Variants in RFX1 observed in about 807,000 individuals in gnomAD.
The protein encoded by RFX1 is regulatory factor X1.
Under a neutral mutation model 119.6 loss-of-function variants are expected in RFX1, and 42 were observed. The observed-to-expected ratio is 0.35, with a 90% CI of 0.27 to 0.45. The LOEUF is 0.45. Ranked by LOEUF, RFX1 falls within the 20% of genes least tolerant of loss-of-function variation. The pLI, the probability that RFX1 is intolerant of heterozygous loss-of-function variation, is 1.00. For missense variants in RFX1, 1,118 were observed against 1,368.1 expected, an observed-to-expected ratio of 0.82 and a Z score of 2.88; for synonymous variants, 628 against 618.5, an observed-to-expected ratio of 1.02 and a Z score of -0.23.
intron 12 of RFX1, among the ~76,000 whole-genome samples, chr19:13,967,696 C>T (rs1000617445): frequency 1.3e-5 from 2 of 151,606 alleles, no homozygotes; most frequent in African/African-American, 4.8e-5. Context: ...AGGCTGGTCT[C>T]GAACTCTTGA....
intron 2 of RFX1, among the ~76,000 whole-genome samples, chr19:13,984,560 G>A (rs1974537399): frequency 6.6e-6 from 1 of 152,098 alleles, no homozygotes; most frequent in African/African-American, 2.4e-5. Context: ...GTGTTCCCAA[G>A]AGGCGCTGGC....
Position 13,965,381 on chromosome 19 carries a change from C to G in RFX1, c.2211+68G>C. ...GGCGTGGGGACAAATTTTACCGCCC[C>G]TGGGGAGCAGAGGAGACGGAGGCCT... On this transcript the variant is annotated intron_variant, in intron 16 of 20. Transcript: ENST00000254325. The surrounding 1 kb of genome is among the most constrained non-coding windows in gnomAD (Gnocchi z 4.7). 1.4e-6 allele frequency: 2 copies of G among 1,431,352 alleles called. No individual in the cohort carries two copies. Among genetic ancestry groups the G allele is most frequent in the East Asian group, 2.3e-5 (1 of 43,826 alleles). 88.7% of individuals were successfully genotyped at this position (1,431,352 alleles called of 1,614,324 possible). A position where few individuals can be genotyped will look rare whatever the true frequency, so the allele number is the denominator to read the frequency against.
At chr19:13,967,626 G>A (rs1027711952) in intron 12 of RFX1, among the ~76,000 whole-genome samples, 10 of 151,816 alleles carry the variant, frequency 6.6e-5, no homozygotes, top group Non-Finnish European at 5.9e-5. Context: ...ACAGGCACCC[G>A]CCACCACACC....
At position 13,986,068 on chromosome 19, in the gene RFX1, G is replaced by A. The variant is rs1974583220; in HGVS notation, c.320-2473C>T. On this transcript the variant is annotated intron_variant, in intron 2 of 20. Transcript: ENST00000254325. The surrounding 1 kb of genome is among the most constrained non-coding windows in gnomAD (Gnocchi z 4.2). Reference sequence around the variant, plus strand: ...AGGCTTCCCAGCCCTGAGCCATAAGGGAGGAGGCCCTTGCTGAGAGGGCCC... The same window carrying A: ...AGGCTTCCCAGCCCTGAGCCATAAGAGAGGAGGCCCTTGCTGAGAGGGCCC... Among the ~76,000 whole-genome samples, 2 of 152,208 alleles carry A rather than the reference G, an allele frequency of 1.3e-5. No individual in the cohort carries two copies. The highest frequency in any genetic ancestry group is 6.5e-5 in the Admixed American group (1 of 15,288).
chr19:13,982,152 T>C lies in RFX1; in HGVS notation c.590A>G (p.His197Arg), dbSNP rs748300798. Residue 197 changes from histidine to arginine, a missense_variant, in exon 5 of 21, where the codon CAT becomes CGT. Physicochemically the swap from His to Arg is conservative, Grantham distance 29. Coordinates refer to ENST00000254325, the MANE Select transcript of RFX1 (RefSeq NM_002918.5). Reference sequence around the variant, plus strand: ...GGGCGAGTGCACCTGCTGGGTACCATGGACCGTCAGGGAGACCTGGCCACC... The same window carrying C: ...GGGCGAGTGCACCTGCTGGGTACCACGGACCGTCAGGGAGACCTGGCCACC... ...SKGGQVSLTV[H>R]GTQQVHSPPE... 1.5e-6 allele frequency: 2 copies of C among 1,311,440 alleles called. No individual in the cohort carries two copies. Among genetic ancestry groups the C allele is most frequent in the Non-Finnish European group, 2.0e-6 (2 of 1,021,588 alleles). 81.2% of individuals were successfully genotyped at this position (1,311,440 alleles called of 1,614,324 possible).
chr19:13,973,964 A>G (rs984257040), intron 8 of RFX1, among the ~76,000 whole-genome samples: 1 of 151,832 alleles, frequency 6.6e-6, no homozygotes, highest in Non-Finnish European at 1.5e-5. Flanking sequence ...AAAAAAAAAA[A>G]TACCGAAGGG....
At position 13,993,805 on chromosome 19, in the gene RFX1, C is replaced by T. The variant is rs770475520; in HGVS notation, c.39G>A (p.Pro13=). The T allele has an allele frequency of 1.1e-5, 17 of 1,587,514 alleles. No individual in the cohort carries two copies. Among genetic ancestry groups the T allele is most frequent in the South Asian group, 5.6e-5 (5 of 88,926 alleles). ...TQAYTELQAA[P]PPSQPPQAPP... is the part of the protein sequence containing the mutation. Reference sequence around the variant, plus strand: ...GGGCCTGTGGCGGCTGGGATGGTGGCGGGGCTGCCTGTAGCTCAGTATACG... The same window carrying T: ...GGGCCTGTGGCGGCTGGGATGGTGGTGGGGCTGCCTGTAGCTCAGTATACG... The change falls in exon 2 of 21, where the codon CCG becomes CCA. Residue 13 remains proline (P), a synonymous_variant. Transcript: ENST00000254325.
rs1201451631 is a variant in RFX1 at position 13,962,156 on chromosome 19, C to T, written c.*539G>A. On this transcript the variant is annotated 3_prime_UTR_variant, in exon 21 of 21. Transcript: ENST00000254325. ...GCTGGAGAAGATGCGACACCCACGGCTTTAATTGCACTTAATACCAAGAAG... is the reference window on the plus strand; with the variant it reads ...GCTGGAGAAGATGCGACACCCACGGTTTTAATTGCACTTAATACCAAGAAG... 1 of 152,924 alleles carries T rather than the reference C, an allele frequency of 6.5e-6. No individual in the cohort carries two copies. The allele number at this position is 152,924 out of a possible 1,614,324, so 9.5% of individuals were successfully genotyped here. A position where few individuals can be genotyped will look rare whatever the true frequency, so the allele number is the denominator to read the frequency against.
Position 13,980,739 on chromosome 19 carries a change from C to CTCTGGGGTGGGCTCGCATCCTT in RFX1, c.622-51_622-50insAAGGATGCGAGCCCACCCCAGA. Reference sequence around the variant, plus strand: ...TGCCGCTGGGGTGGGCTTGCATCCTCTCTGAGGTGGGCTCACACACACACC... The same window carrying CTCTGGGGTGGGCTCGCATCCTT: ...TGCCGCTGGGGTGGGCTTGCATCCTCTCTGGGGTGGGCTCGCATCCTTTCTGAGGTGGGCTCACACACACACC... On this transcript the variant is annotated intron_variant, in intron 5 of 20. Coordinates refer to ENST00000254325, the MANE Select transcript of RFX1 (RefSeq NM_002918.5). The surrounding 1 kb of genome is among the most constrained non-coding windows in gnomAD (Gnocchi z 5.1). 1 of 1,386,970 alleles carries CTCTGGGGTGGGCTCGCATCCTT rather than the reference C, an allele frequency of 7.2e-7. No homozygotes were observed. 85.9% of individuals were successfully genotyped at this position (1,386,970 alleles called of 1,614,324 possible).
At chr19:14,003,206 C>A (rs58545246) in intron 1 of RFX1, among the ~76,000 whole-genome samples, 1 of 152,126 alleles carries the variant, frequency 6.6e-6, no homozygotes, top group African/African-American at 2.4e-5. Context: ...GGCTGGTCTC[C>A]AACTCTTTAC....
At chr19:14,000,211 C>A (rs1239157773) in intron 1 of RFX1, among the ~76,000 whole-genome samples, 1 of 151,962 alleles carries the variant, frequency 6.6e-6, no homozygotes, top group African/African-American at 2.4e-5. Flanking sequence ...AGAGGCCGGG[C>A]GTGGTGGCTT....
rs989784504 is a variant in RFX1 at position 13,980,504 on chromosome 19, C to T, written c.738+69G>A. On this transcript the variant is annotated intron_variant, in intron 6 of 20. Transcript: ENST00000254325. This position sits in a 1 kb window ranked among gnomAD's most constrained non-coding sequence, Gnocchi z 5.1. ...GGCTCTAATAGGCCAGAGGCACAGC[C>T]GTGGGGGGCTGCAGAGGCTGCCTGG... The T allele has an allele frequency of 6.0e-6, 6 of 1,001,112 alleles. No homozygotes were observed. Among genetic ancestry groups the T allele is most frequent in the East Asian group, 2.6e-5 (1 of 38,164 alleles). The allele number at this position is 1,001,112 out of a possible 1,614,324, so 62.0% of individuals were successfully genotyped here. A position where few individuals can be genotyped will look rare whatever the true frequency, so the allele number is the denominator to read the frequency against.
chr19:13,963,280 G>A lies in RFX1; in HGVS notation c.2571-5C>T, dbSNP rs1206536092. 5.6e-6 allele frequency: 9 copies of A among 1,606,092 alleles called. No homozygotes were observed. The highest frequency in any genetic ancestry group is 7.6e-6 in the Non-Finnish European group (9 of 1,178,408). ...AGGTCCCGGATCACCATGGAGCTGG[G>A]GATGGAGACGGAGAGGAGACCGTCA... On this transcript the variant is annotated splice_polypyrimidine_tract_variant and splice_region_variant and intron_variant, in intron 18 of 20. Transcript: ENST00000254325.
Position 13,962,758 on chromosome 19 carries a change from C to A in RFX1, c.2877G>T (p.Pro959=). The A allele has an allele frequency of 2.6e-6, 4 of 1,530,140 alleles. No homozygotes were observed. Among genetic ancestry groups the A allele is most frequent in the Non-Finnish European group, 3.5e-6 (4 of 1,143,440 alleles). 94.8% of individuals were successfully genotyped at this position (1,530,140 alleles called of 1,614,324 possible). A position where few individuals can be genotyped will look rare whatever the true frequency, so the allele number is the denominator to read the frequency against. Residue 959 remains proline (P), a synonymous_variant, in exon 21 of 21, where the codon CCG becomes CCT. Coordinates refer to ENST00000254325, the MANE Select transcript of RFX1 (RefSeq NM_002918.5). ...CGTCAGTCCGCGCCAGCTTGGCCGG[C>A]GGCTCCAGGGTCTCCGGGCCCAGCG... The part of the protein sequence containing the change: ...SPALGPETLE[P]PAKLARTDAR...
chr19:14,002,733 G>C (rs780672739), intron 1 of RFX1, among the ~76,000 whole-genome samples: 1 of 152,216 alleles, frequency 6.6e-6, no homozygotes, highest in Non-Finnish European at 1.5e-5. Context: ...AAGCAGGTGG[G>C]AGAAAGTCTT....
At position 13,994,309 on chromosome 19, in the gene RFX1, C is replaced by A. The variant is rs372582141; in HGVS notation, c.-52-414G>T. Among the ~76,000 whole-genome samples the A allele has an allele frequency of 4.5e-4, 69 of 152,292 alleles. No homozygotes were observed. The East Asian group carries it at 9.1e-3, about 20-fold the overall frequency. On this transcript the variant is annotated intron_variant, in intron 1 of 20. Coordinates refer to ENST00000254325, the MANE Select transcript of RFX1 (RefSeq NM_002918.5). ...GTCACTCTCAACTACCAGGGGCTGC[C>A]CCCTCCCTTGCCTCCATCTCCTTAG...
chr19:13,976,504 A>T (rs948504275), intron 8 of RFX1, among the ~76,000 whole-genome samples: 1 of 152,192 alleles, frequency 6.6e-6, no homozygotes, highest in Non-Finnish European at 1.5e-5. Context: ...ATACACAGGA[A>T]TGGTAGTGCT....
intron 8 of RFX1, among the ~76,000 whole-genome samples, chr19:13,976,270 C>G (rs1974251049): frequency 6.6e-6 from 1 of 152,226 alleles, no homozygotes; most frequent in South Asian, 2.1e-4. Context: ...GCTAACCAAT[C>G]CCAGCATTGT....
chr19:13,994,895 T>TACATAC (rs200441489), intron 1 of RFX1, among the ~76,000 whole-genome samples: 12 of 11,872 alleles, frequency 1.0e-3, no homozygotes, highest in African/African-American at 3.2e-3. Flanking sequence ...TATACATACA[T>TACATAC]ATATATATAT....
Sources: gnomAD v4.1 joint callset for allele counts (sites outside exome capture counted in the v4.1 genomes callset) on GRCh38, gnomAD v4.1.1 for gene constraint, Gnocchi (gnomAD v3.1) non-coding constraint, MANE v1.5 for transcripts, NCBI Gene and HGNC (gene_info 2026-07-23, HGNC 2026-07-21) for gene names.